CHCT1: variants seen among roughly 807,000 people sequenced by gnomAD.
CHCT1 encodes the protein CHD1 helical C-terminal domain containing protein 1.
At chr17:60,427,598 G>T in the CHCT1 span, among the ~76,000 whole-genome samples, 1,019 of 152,168 alleles carry the variant, frequency 6.7e-3, 12 homozygotes, top group African/African-American at 0.023. Flanking sequence ...ATTTTTAGTA[G>T]AAACGAGGTT....
At chr17:60,422,596 G>A in the CHCT1 span, 1 of 1,550,744 alleles carries the variant, frequency 6.4e-7, no homozygotes, top group Non-Finnish European at 8.7e-7. Flanking sequence ...TGCTGAGATG[G>A]AGGCCTCAGA....
At chr17:60,422,551 G>C in the CHCT1 span, 1 of 1,549,060 alleles carries the variant, frequency 6.5e-7, no homozygotes, top group Non-Finnish European at 8.7e-7. Context: ...CAGAGGGGAC[G>C]TGGGGAGTGC....
At chr17:60,431,248 T>G in the CHCT1 span, 2 of 1,603,840 alleles carry the variant, frequency 1.2e-6, no homozygotes, top group Non-Finnish European at 1.7e-6. Flanking sequence ...CCCCAGAAAC[T>G]CCAGAGACTG....
chr17:60,422,701 AAGTAGAGAACATGAAATTC>A, the CHCT1 span: 1 of 1,483,312 alleles, frequency 6.7e-7, no homozygotes, highest in Non-Finnish European at 9.0e-7. Context: ...TGGTTTTGGA[AAGTAGAGAACATGAAATTC>A]AGGAAAGAAG....
the CHCT1 span, chr17:60,425,852 G>T: frequency 6.4e-7 from 1 of 1,551,776 alleles, no homozygotes; most frequent in Non-Finnish European, 8.7e-7. Context: ...CATGCGCCAT[G>T]CCAAGGGCCT....
the CHCT1 span, among the ~76,000 whole-genome samples, chr17:60,430,118 C>A: frequency 1.5e-5 from 2 of 132,726 alleles, no homozygotes; most frequent in Admixed American, 8.3e-5. Flanking sequence ...AGCCACGCAC[C>A]TGGCTTTTTT....
At chr17:60,421,294 T>G in the CHCT1 span, 2 of 874,362 alleles carry the variant, frequency 2.3e-6, no homozygotes, top group Non-Finnish European at 2.7e-6. Flanking sequence ...CTGAACATGC[T>G]GGCATAGAGG....
chr17:60,426,724 C>T, the CHCT1 span: 10 of 1,610,378 alleles, frequency 6.2e-6, no homozygotes, highest in Non-Finnish European at 8.5e-6. Context: ...GCAGGATGCT[C>T]TGGCGGTTCA....
chr17:60,426,955 T>G, the CHCT1 span: 2 of 1,458,484 alleles, frequency 1.4e-6, no homozygotes, highest in African/African-American at 2.8e-5. Context: ...AAGACTCTGC[T>G]GCTTGACCTT....
the CHCT1 span, chr17:60,426,053 A>G: frequency 7.5e-7 from 1 of 1,326,194 alleles, no homozygotes; most frequent in Non-Finnish European, 1.0e-6. Context: ...AACACGCAGC[A>G]CTGGGCCACT....
At chr17:60,431,119 C>T in the CHCT1 span, 103 of 1,213,918 alleles carry the variant, frequency 8.5e-5, 1 homozygote, top group Non-Finnish European at 1.1e-4. Flanking sequence ...CCATGTATTA[C>T]AGACTGAGAT....
chr17:60,431,063 T>C, the CHCT1 span: 2 of 672,432 alleles, frequency 3.0e-6, no homozygotes, highest in Non-Finnish European at 2.5e-6. Context: ...AGGTGGGAAG[T>C]AAGATAGGAT....
At chr17:60,426,271 A>AG in the CHCT1 span, 1 of 1,551,458 alleles carries the variant, frequency 6.4e-7, no homozygotes, top group Non-Finnish European at 8.7e-7. Context: ...TTGTGGTCCT[A>AG]GGGGACCACA....
At chr17:60,422,488 C>A in the CHCT1 span, 3 of 1,535,128 alleles carry the variant, frequency 2.0e-6, no homozygotes, top group South Asian at 3.6e-5. Flanking sequence ...GTTCTGGAGC[C>A]AAACCGCCCA....
At chr17:60,426,684 C>T in the CHCT1 span, 2 of 1,592,240 alleles carry the variant, frequency 1.3e-6, no homozygotes, top group Admixed American at 3.5e-5. Context: ...GCGCTGTGCT[C>T]CACCTCCCCA....
the CHCT1 span, among the ~76,000 whole-genome samples, chr17:60,425,460 C>A: frequency 8.1e-3 from 1,228 of 152,308 alleles, 16 homozygotes; most frequent in African/African-American, 0.028. Flanking sequence ...GCATATAAAC[C>A]TGTTGGTCCT....
the CHCT1 span, among the ~76,000 whole-genome samples, chr17:60,422,875 G>A: frequency 6.6e-6 from 1 of 152,132 alleles, no homozygotes; most frequent in Non-Finnish European, 1.5e-5. Flanking sequence ...GAAGACTTGA[G>A]AGTATGTGTA....
chr17:60,426,978 G>A, the CHCT1 span: 1 of 859,602 alleles, frequency 1.2e-6, no homozygotes, highest in Non-Finnish European at 1.4e-6. Flanking sequence ...CCCCTGCCCT[G>A]GGCAGAGTGG....
chr17:60,421,538 G>A, the CHCT1 span: 127 of 985,478 alleles, frequency 1.3e-4, no homozygotes, highest in Middle Eastern at 2.1e-3. Context: ...AGGAAGGTCC[G>A]GGAGAAGGAA....
Sources: allele counts gnomAD v4.1 joint callset (sites outside exome capture counted in the v4.1 genomes callset), GRCh38; gene constraint gnomAD v4.1.1; transcripts MANE v1.5; gene names NCBI Gene and HGNC (gene_info 2026-07-23, HGNC 2026-07-21).